Variants in ACSM3 observed in about 807,000 individuals in gnomAD.
ACSM3 encodes the protein acyl-CoA synthetase medium chain family member 3.
A neutral mutation model predicts 74.1 loss-of-function variants in ACSM3; 61 were observed. The observed-to-expected ratio is 0.82, with a 90% CI of 0.67 to 1.02. The LOEUF (loss-of-function observed/expected upper bound fraction) is 1.02, where lower values mean the gene tolerates loss of function less well. ACSM3 is among the 50% of genes least tolerant of loss of function. ACSM3 has a pLI of 0.00. For synonymous variants in ACSM3, 213 were observed against 241.5 expected (o/e 0.88, Z 1.09); for missense variants, 660 against 697.0 (o/e 0.95, Z 0.60).
chr16:20,693,845 A>T (rs1166162390), intron 1 of ACSM3, among the ~76,000 whole-genome samples: 1 of 152,250 alleles, frequency 6.6e-6, no homozygotes, highest in Non-Finnish European at 1.5e-5. Flanking sequence ...TTAATATTGT[A>T]AAAAGTAAAA....
chr16:20,761,375 A>G (rs1003777699), upstream of ACSM3, among the ~76,000 whole-genome samples: 4 of 152,268 alleles, frequency 2.6e-5, no homozygotes, highest in African/African-American at 4.8e-5. Context: ...TAACCATGGC[A>G]AAATAAACCT....
chr16:20,685,832 C>CAAAAAAAAA (rs1469791653), intron 1 of ACSM3, among the ~76,000 whole-genome samples: 1 of 72,132 alleles, frequency 1.4e-5, no homozygotes, highest in Non-Finnish European at 2.5e-5. Flanking sequence ...AAAAAAAAAA[C>CAAAAAAAAA]AAACAAAAAA....
At chr16:20,683,715 C>CTCTCTT (rs1555477280) in intron 1 of ACSM3, among the ~76,000 whole-genome samples, 20 of 136,382 alleles carry the variant, frequency 1.5e-4, no homozygotes, top group Admixed American at 4.6e-4. Context: ...CTCTCTCTCT[C>CTCTCTT]TCTTTCTTTC....
At chr16:20,723,149 T>G (rs2152395726) in intron 1 of ACSM3, among the ~76,000 whole-genome samples, 1 of 152,318 alleles carries the variant, frequency 6.6e-6, no homozygotes, top group East Asian at 1.9e-4. Flanking sequence ...TTTTTTGTCC[T>G]TGCGATAGTT....
At chr16:20,733,953 T>C (rs1472980721) in intron 1 of ACSM3, 1 of 152,104 alleles carries the variant, frequency 6.6e-6, no homozygotes, top group South Asian at 2.1e-4. Flanking sequence ...TACCCTGGAA[T>C]CCCGTCATTT....
chr16:20,704,379 A>C (rs901722171), intron 1 of ACSM3, among the ~76,000 whole-genome samples: 3 of 152,224 alleles, frequency 2.0e-5, no homozygotes, highest in Admixed American at 2.0e-4. Flanking sequence ...TAGAATGAGC[A>C]CTTCAACTTA....
intron 9 of ACSM3, among the ~76,000 whole-genome samples, chr16:20,786,934 C>T (rs565755209): frequency 1.3e-5 from 2 of 152,230 alleles, no homozygotes; most frequent in Admixed American, 6.5e-5. Context: ...CAACTAGGCC[C>T]GAAGAGGCTT....
At chr16:20,784,160 C>G (rs577548732) in intron 7 of ACSM3, among the ~76,000 whole-genome samples, 1 of 152,194 alleles carries the variant, frequency 6.6e-6, no homozygotes, top group African/African-American at 2.4e-5. Context: ...CAGTTCTGCA[C>G]CTTGCTTTTT....
At chr16:20,718,422 G>A (rs992576069) in intron 1 of ACSM3, 1 of 744,956 alleles carries the variant, frequency 1.3e-6, no homozygotes, top group Middle Eastern at 2.8e-4. Flanking sequence ...TCACCAGTGG[G>A]ACGACAGGCT....
chr16:20,754,695 T>TTGTAACAAG (rs1448364643), intron 2 of ACSM3, among the ~76,000 whole-genome samples: 2 of 152,236 alleles, frequency 1.3e-5, no homozygotes, highest in Non-Finnish European at 2.9e-5. Context: ...TTAGTCTATC[T>TTGTAACAAG]TGTAACAAGT....
At chr16:20,796,642 G>C (rs1394122004) in intron 13 of ACSM3, 153 bp downstream of exon 13, 1 of 1,489,378 alleles carries the variant, frequency 6.7e-7, no homozygotes, top group African/African-American at 1.4e-5. Flanking sequence ...GAATCTTTGA[G>C]ATTAAAATGA....
upstream of ACSM3, among the ~76,000 whole-genome samples, chr16:20,760,048 T>G (rs1327674103): frequency 6.6e-6 from 1 of 152,078 alleles, no homozygotes; most frequent in African/African-American, 2.4e-5. Context: ...TCTTCCCTTT[T>G]GGAGTTCAAG....
intron 2 of ACSM3, among the ~76,000 whole-genome samples, chr16:20,773,582 T>C (rs1399974199): frequency 1.3e-5 from 2 of 152,226 alleles, no homozygotes; most frequent in Non-Finnish European, 1.5e-5. Context: ...TCAAGACATT[T>C]TTTGCTTTCC....
intron 3 of ACSM3, among the ~76,000 whole-genome samples, chr16:20,756,631 T>C (rs371796642): frequency 3.9e-5 from 6 of 152,216 alleles, no homozygotes; most frequent in Admixed American, 6.5e-5. Flanking sequence ...AGAAGCTCTT[T>C]AGTTTAATTA....
chr16:20,731,520 C>T (rs1039368269), intron 1 of ACSM3: 1 of 223,080 alleles, frequency 4.5e-6, no homozygotes, highest in Non-Finnish European at 8.4e-6. Flanking sequence ...GCAGTCATCA[C>T]TCAAACTGCT....
intron 1 of ACSM3, among the ~76,000 whole-genome samples, chr16:20,678,563 C>T (rs2079363347): frequency 6.6e-6 from 1 of 152,108 alleles, no homozygotes; most frequent in African/African-American, 2.4e-5. Context: ...CAAGGCCTTC[C>T]TCACCGGGAC....
chr16:20,700,646 C>T, intron 1 of ACSM3, among the ~76,000 whole-genome samples: 1 of 151,702 alleles, frequency 6.6e-6, no homozygotes, highest in Non-Finnish European at 1.5e-5. Context: ...CATTAAGGAT[C>T]TTTATGGACA....
At chr16:20,687,849 C>T (rs1219176707) in intron 1 of ACSM3, among the ~76,000 whole-genome samples, 6 of 152,012 alleles carry the variant, frequency 3.9e-5, no homozygotes, top group African/African-American at 1.2e-4. Flanking sequence ...TTTGGGAGGC[C>T]GAGGCTACCG....
chr16:20,686,873 T>C (rs1485679574), intron 1 of ACSM3, among the ~76,000 whole-genome samples: 1 of 151,898 alleles, frequency 6.6e-6, no homozygotes, highest in Non-Finnish European at 1.5e-5. Flanking sequence ...TGCAGTAGTA[T>C]ATGTACAAGA....
Sources: allele counts gnomAD v4.1 joint callset (sites outside exome capture counted in the v4.1 genomes callset), GRCh38; gene constraint gnomAD v4.1.1; transcripts MANE v1.5; gene names NCBI Gene and HGNC (gene_info 2026-07-23, HGNC 2026-07-21).